The following ZFPM2 variants were observed in gnomAD, a reference collection of about 807,000 sequenced individuals.
ZFPM2 encodes zinc finger protein ZFPM2.
ZFPM2 carries 20 observed loss-of-function variants against 98.6 expected under a neutral mutation model. That is an observed-to-expected ratio of 0.20 (90% CI 0.14 to 0.29). ZFPM2 has a LOEUF of 0.29. Ranked by LOEUF, ZFPM2 falls within the 10% of genes least tolerant of loss-of-function variation. ZFPM2 has a pLI of 1.00. For synonymous variants in ZFPM2, 518 were observed against 502.7 expected, an observed-to-expected ratio of 1.03 and a Z score of -0.41; for missense variants, 1,310 against 1,388.6, an observed-to-expected ratio of 0.94 and a Z score of 0.90.
At position 105,460,672 on chromosome 8, in the gene ZFPM2, C is replaced by T. The variant is rs112385386; in HGVS notation, c.301+16291C>T. ...AGTATTTGTGTTCAGTATGAGAATG[C>T]GTTGAAAGTGAAGGAGGAAGTACTT... On this transcript the variant is annotated intron_variant, in intron 3 of 7. Coordinates refer to ENST00000407775, the MANE Select transcript of ZFPM2 (RefSeq NM_012082.4). 6.9e-3 allele frequency among the ~76,000 whole-genome samples: 1,049 copies of T among 151,882 alleles called. 10 individuals are homozygous for T. The highest frequency in any genetic ancestry group is 0.022 in the African/African-American group (917 of 41,394).
At chr8:105,673,180 T>C (rs1300754773) in intron 5 of ZFPM2, among the ~76,000 whole-genome samples, 2 of 138,574 alleles carry the variant, frequency 1.4e-5, no homozygotes, top group Non-Finnish European at 3.1e-5. Context: ...TTTTTTCAAA[T>C]AGCATGCTTT....
intron 1 of ZFPM2, among the ~76,000 whole-genome samples, chr8:105,398,393 A>C (rs774027718): frequency 6.6e-6 from 1 of 152,208 alleles, no homozygotes; most frequent in Non-Finnish European, 1.5e-5. Flanking sequence ...TGTTTCTGAT[A>C]TCTCCCTTTT....
chr8:105,606,182 A>G (rs12675691), intron 4 of ZFPM2, among the ~76,000 whole-genome samples: 29,883 of 152,056 alleles, frequency 0.2, 3,009 homozygotes, highest in South Asian at 0.26. Flanking sequence ...GTGTGCAAAA[A>G]CAGAGATGAA....
chr8:105,607,732 G>T (rs1053920778), intron 4 of ZFPM2, among the ~76,000 whole-genome samples: 1 of 152,012 alleles, frequency 6.6e-6, no homozygotes, highest in African/African-American at 2.4e-5. Flanking sequence ...ACTCTCCTGT[G>T]TGTTCCTGAA....
chr8:105,735,382 G>A (rs1390619112), intron 5 of ZFPM2, among the ~76,000 whole-genome samples: 4 of 151,474 alleles, frequency 2.6e-5, no homozygotes, highest in African/African-American at 9.7e-5. Context: ...TTTAAGGTTG[G>A]TGAAATTGTC....
intron 3 of ZFPM2, among the ~76,000 whole-genome samples, chr8:105,482,872 T>A (rs1813147440): frequency 6.6e-6 from 1 of 152,028 alleles, no homozygotes; most frequent in Non-Finnish European, 1.5e-5. Context: ...ATTTCTTTAA[T>A]CTTTCTTTCC....
intron 5 of ZFPM2, among the ~76,000 whole-genome samples, chr8:105,770,105 C>T (rs889717209): frequency 4.0e-5 from 6 of 151,758 alleles, no homozygotes; most frequent in Non-Finnish European, 2.9e-5. Flanking sequence ...TTTTACTCTC[C>T]TTGATCTAGT....
At chr8:105,464,949 T>TAAAAAA (rs77152118) in intron 3 of ZFPM2, among the ~76,000 whole-genome samples, 2,404 of 125,474 alleles carry the variant, frequency 0.019, 65 homozygotes, top group African/African-American at 0.066. Context: ...TTGAAAATGC[T>TAAAAAA]AAAAAAAAAA....
intron 5 of ZFPM2, among the ~76,000 whole-genome samples, chr8:105,776,089 G>GAA (rs761794025): frequency 7.2e-6 from 1 of 139,794 alleles, no homozygotes; most frequent in African/African-American, 2.6e-5. Flanking sequence ...TTCTTACAAG[G>GAA]AAAAAAAAAA....
chr8:105,369,619 T>C (rs1384019626), intron 1 of ZFPM2, among the ~76,000 whole-genome samples: 3 of 152,182 alleles, frequency 2.0e-5, no homozygotes. Flanking sequence ...ATTTTTATGG[T>C]TGTAACAATC....
At chr8:105,359,756 C>G (rs549135973) in intron 1 of ZFPM2, among the ~76,000 whole-genome samples, 1 of 152,226 alleles carries the variant, frequency 6.6e-6, no homozygotes, top group East Asian at 1.9e-4. Context: ...AAACTATATC[C>G]AAAGGTTTCT....
intron 5 of ZFPM2, among the ~76,000 whole-genome samples, chr8:105,718,916 A>G (rs1662564509): frequency 6.6e-6 from 1 of 151,890 alleles, no homozygotes; most frequent in Admixed American, 6.6e-5. Context: ...ACCCACATGT[A>G]GAGAGATGAC....
At chr8:105,564,185 TTA>T (rs1815198748) in intron 4 of ZFPM2, among the ~76,000 whole-genome samples, 1 of 151,940 alleles carries the variant, frequency 6.6e-6, no homozygotes, top group Admixed American at 6.6e-5. Context: ...AGGCGTTAAC[TTA>T]TATGAAATTT....
intron 4 of ZFPM2, among the ~76,000 whole-genome samples, chr8:105,612,226 A>G (rs1299524784): frequency 1.3e-5 from 2 of 152,198 alleles, no homozygotes; most frequent in Non-Finnish European, 2.9e-5. Flanking sequence ...GAGAAATGCC[A>G]TCTTAAATAA....
At chr8:105,671,833 T>C (rs1817604458) in intron 5 of ZFPM2, among the ~76,000 whole-genome samples, 1 of 152,106 alleles carries the variant, frequency 6.6e-6, no homozygotes, top group Non-Finnish European at 1.5e-5. Flanking sequence ...CTCTTTTTAA[T>C]AGTTGGCAAA....
At chr8:105,521,839 A>C (rs1418921259) in intron 3 of ZFPM2, among the ~76,000 whole-genome samples, 2 of 152,206 alleles carry the variant, frequency 1.3e-5, no homozygotes, top group African/African-American at 4.8e-5. Flanking sequence ...GGCCTCCCAA[A>C]GTGCTGGGAT....
Position 105,651,490 on chromosome 8 carries a change from G to T in ZFPM2, c.532+17133G>T, listed in dbSNP as rs540109326. ...CAAAAAAAAAAAAAAAATCCCACCT[G>T]TCCCTTGCTTGCTTATATCTACCCT... On this transcript the variant is annotated intron_variant, in intron 5 of 7. Coordinates refer to ENST00000407775, the MANE Select transcript of ZFPM2 (RefSeq NM_012082.4). 1.0e-4 allele frequency among the ~76,000 whole-genome samples: 15 copies of T among 150,434 alleles called. No individual in the cohort carries two copies. In the South Asian group the frequency reaches 1.5e-3, roughly 15 times the overall value.
intron 5 of ZFPM2, among the ~76,000 whole-genome samples, chr8:105,759,536 G>A (rs1812689290): frequency 6.6e-6 from 1 of 151,784 alleles, no homozygotes; most frequent in Non-Finnish European, 1.5e-5. Context: ...AGCAAGTGAT[G>A]TCATGTGATT....
chr8:105,709,579 G>A (rs1260520359), intron 5 of ZFPM2, among the ~76,000 whole-genome samples: 1 of 151,860 alleles, frequency 6.6e-6, no homozygotes, highest in East Asian at 1.9e-4. Flanking sequence ...AAAAGTTTGG[G>A]GCAAATAAAT....
Sources: allele counts gnomAD v4.1 joint callset (sites outside exome capture counted in the v4.1 genomes callset), GRCh38; gene constraint gnomAD v4.1.1; transcripts MANE v1.5; gene names NCBI Gene and HGNC (gene_info 2026-07-23, HGNC 2026-07-21).